LIG3: variants seen among roughly 807,000 people sequenced by gnomAD.
LIG3 encodes the protein DNA ligase 3, also known as ligase II, DNA, ATP-dependent.
In LIG3, 58 loss-of-function variants were observed where a neutral mutation model predicts 110.9. The observed-to-expected ratio is 0.52, with a 90% CI of 0.42 to 0.65. The LOEUF (loss-of-function observed/expected upper bound fraction) is 0.65. LIG3 is among the 30% of genes least tolerant of loss of function. The pLI is 0.00. For synonymous variants in LIG3, 422 were observed against 472.8 expected, an observed-to-expected ratio of 0.89 and a Z score of 1.39; for missense variants, 1,094 against 1,273.8, an observed-to-expected ratio of 0.86 and a Z score of 2.15.
Position 35,005,167 on chromosome 17 carries a change from T to G in LIG3, c.*661T>G. 1 of 369,606 alleles carries G rather than the reference T, an allele frequency of 2.7e-6. No individual in the cohort carries two copies. The highest frequency in any genetic ancestry group is 5.3e-6 in the Non-Finnish European group (1 of 187,792). 22.9% of individuals were successfully genotyped at this position (369,606 alleles called of 1,614,324 possible). A position where few individuals can be genotyped will look rare whatever the true frequency, so the allele number is the denominator to read the frequency against. On this transcript the variant is annotated 3_prime_UTR_variant, in exon 20 of 20. Transcript: ENST00000378526. ...CCTTTATGAAGAAAGGGGAGGTTAT[T>G]TGGGCCACTCCTCTGGAGGGATAGA...
At position 34,998,690 on chromosome 17, in the gene LIG3, G is replaced by C; in HGVS notation, c.2076G>C (p.Leu692=). Reference sequence around the variant, plus strand: ...GGGCCATGGCCGACACAGCTGACCTGGTGGTCCTTGGAGCCTTCTATGGGC... The same window carrying C: ...GGGCCATGGCCGACACAGCTGACCTCGTGGTCCTTGGAGCCTTCTATGGGC... ...NEGAMADTAD[L]VVLGAFYGQG... is the part of the protein sequence containing the mutation. The change falls in exon 14 of 20, where the codon CTG becomes CTC. Residue 692 remains leucine, a synonymous_variant. Transcript: ENST00000378526. 1.2e-6 allele frequency: 2 copies of C among 1,614,152 alleles called. No individual in the cohort carries two copies. Among genetic ancestry groups the C allele is most frequent in the Non-Finnish European group, 1.7e-6 (2 of 1,179,996 alleles).
chr17:34,996,301 C>G (rs2090776985), intron 10 of LIG3, 106 bp downstream of exon 10: 2 of 1,311,848 alleles, frequency 1.5e-6, no homozygotes, highest in Non-Finnish European at 2.1e-6. Flanking sequence ...CTTAGTGTGG[C>G]CCTTATTCTT....
rs1196656274 is a variant in LIG3 at position 35,008,959 on chromosome 17, G to GTCTC, written c.*4454_*4457dup. On this transcript the variant is annotated 3_prime_UTR_variant, in exon 20 of 20. Coordinates refer to ENST00000378526, the MANE Select transcript of LIG3 (RefSeq NM_013975.4). ...GTTTGTTTTTTTAAGTAGAGACAAG[G>GTCTC]TCTCACTACATTGCCCAGGTTGGTC... The GTCTC allele has an allele frequency of 6.6e-6, 1 of 152,202 alleles. No individual in the cohort carries two copies. The highest frequency in any genetic ancestry group is 2.4e-5 in the African/African-American group (1 of 41,416). 9.4% of individuals were successfully genotyped at this position (152,202 alleles called of 1,614,324 possible).
chr17:35,001,406 A>G lies in LIG3; in HGVS notation c.2478+3A>G, dbSNP rs1200903295. The stretch of plus-strand genomic sequence containing the variant: ...CCACTAACCTTCCCCAACTCAAGGT[A>G]GCAGCTCTTAGGCTGTATATGTATT... On this transcript the variant is annotated splice_donor_region_variant and intron_variant, in intron 17 of 19. Transcript: ENST00000378526. 1 of 1,614,010 alleles carries G rather than the reference A, an allele frequency of 6.2e-7. No individual in the cohort carries two copies. Among genetic ancestry groups the G allele is most frequent in the South Asian group, 1.1e-5 (1 of 91,086 alleles).
At chr17:34,992,171 C>A in intron 7 of LIG3, 136 bp downstream of exon 7, 1 of 769,384 alleles carries the variant, frequency 1.3e-6, no homozygotes, top group East Asian at 2.6e-5. Context: ...AGACCCTGAT[C>A]TGTCACTTGA....
chr17:35,003,481 A>G (rs572966422), intron 19 of LIG3: 1 of 178,438 alleles, frequency 5.6e-6, no homozygotes, highest in South Asian at 1.2e-4. Flanking sequence ...TGCCCGGCTA[A>G]TTTTTGTATT....
rs1180475973 is a variant in LIG3 at position 35,002,068 on chromosome 17, G to T, written c.2638G>T (p.Ala880Ser). Residue 880 changes from alanine to serine, a missense_variant, in exon 18 of 20, where the codon GCA becomes TCA. Coordinates refer to ENST00000378526, the MANE Select transcript of LIG3 (RefSeq NM_013975.4). ...CAAGCCCTCAGCCAGTACCAAGAAA[G>T]CAGAAGGGAAGCTGAGTAACTCCAA... is the stretch of plus-strand genomic sequence containing the variant. ...PSKPSASTKK[A>S]EGKLSNSNSK... is the part of the protein sequence containing the mutation. 1.3e-6 allele frequency: 2 copies of T among 1,595,662 alleles called. No homozygotes were observed. The highest frequency in any genetic ancestry group is 2.7e-5 in the African/African-American group (2 of 73,850).
chr17:35,010,330 A>C (rs1390095476), downstream of LIG3: 1 of 152,180 alleles, frequency 6.6e-6, no homozygotes, highest in African/African-American at 2.4e-5. Flanking sequence ...TTTCCTGATC[A>C]TGTGTTTTGT....
At position 34,991,742 on chromosome 17, in the gene LIG3, C is replaced by T. The variant is rs374974063; in HGVS notation, c.1113C>T (p.Leu371=). 1.7e-5 allele frequency: 28 copies of T among 1,614,076 alleles called. No individual in the cohort carries two copies. Among genetic ancestry groups the T allele is most frequent in the Non-Finnish European group, 2.3e-5 (27 of 1,180,024 alleles). ...SKSFPPAAKS[L]LTIQEVDEFL... ...CTTTCCCCCCAGCTGCCAAGAGCCT[C>T]CTTACCATCCAGGAAGTGGATGAGT... Residue 371 remains leucine, a synonymous_variant, in exon 6 of 20, where the codon CTC becomes CTT. Transcript: ENST00000378526.
In LIG3 at chr17:35,005,421, A is replaced by T. The variant is rs1417099542; in HGVS notation, c.*915A>T. On this transcript the variant is annotated 3_prime_UTR_variant, in exon 20 of 20. Coordinates refer to ENST00000378526, the MANE Select transcript of LIG3 (RefSeq NM_013975.4). ...GTGTATGCTCTGGTGGTGGTGTCTT[A>T]CTTCCTCATGACTGGAGGAATAATT... The T allele has an allele frequency of 3.6e-6, 2 of 560,214 alleles. No homozygotes were observed. The highest frequency in any genetic ancestry group is 7.2e-6 in the Non-Finnish European group (2 of 276,410). The allele number at this position is 560,214 out of a possible 1,614,324, so 34.7% of individuals were successfully genotyped here.
intron 15 of LIG3, 114 bp from the exon 16 acceptor site, chr17:34,999,668 A>G: frequency 1.8e-6 from 2 of 1,136,896 alleles, no homozygotes; most frequent in Non-Finnish European, 2.6e-6. Context: ...GGAGGATCAC[A>G]TGGCTCAAAC....
chr17:34,993,208 C>T (rs1047696071), intron 8 of LIG3, among the ~76,000 whole-genome samples: 2 of 152,196 alleles, frequency 1.3e-5, no homozygotes, highest in African/African-American at 4.8e-5. Flanking sequence ...CTGCTCATTT[C>T]GTAAGAAATG....
rs746837854 is a variant in LIG3, at chr17:35,004,305, T to C, written c.2829T>C (p.Leu943=). The change falls in exon 20 of 20, where the codon CTT becomes CTC. Residue 943 remains leucine, a synonymous_variant. Coordinates refer to ENST00000378526, the MANE Select transcript of LIG3 (RefSeq NM_013975.4). ...VLLDIFTGVR[L]YLPPSTPDFS... ...TGGACATCTTCACTGGGGTGCGGCT[T>C]TACTTGCCACCCTCCACACCAGACT... The C allele has an allele frequency of 6.2e-7, 1 of 1,614,140 alleles. No homozygotes were observed. The highest frequency in any genetic ancestry group is 8.5e-7 in the Non-Finnish European group (1 of 1,180,010).
chr17:34,991,862 C>A, intron 6 of LIG3, 25 bp downstream of exon 6: 1 of 1,613,982 alleles, frequency 6.2e-7, no homozygotes, highest in South Asian at 1.1e-5. Flanking sequence ...TCCGTCAAAC[C>A]ATGCCCATAG....
intron 1 of LIG3, 110 bp from the exon 2 acceptor site, chr17:34,982,888 GTGTT>G (rs2090613763): frequency 4.1e-6 from 3 of 736,960 alleles, no homozygotes; most frequent in East Asian, 2.8e-5. Context: ...ACTTTGGAAA[GTGTT>G]TGATTAGTCA....
rs1395870868 is a variant in LIG3 at position 35,005,189 on chromosome 17, T to C, written c.*683T>C. ...TATTTGGGCCACTCCTCTGGAGGGA[T>C]AGAGGGCTCCAGGAAGATCTGCATC... On this transcript the variant is annotated 3_prime_UTR_variant, in exon 20 of 20. Coordinates refer to ENST00000378526, the MANE Select transcript of LIG3 (RefSeq NM_013975.4). 10 of 416,686 alleles carry C rather than the reference T, an allele frequency of 2.4e-5. No individual in the cohort carries two copies. The East Asian group carries it at 5.5e-4, about 23-fold the overall frequency. 25.8% of individuals were successfully genotyped at this position (416,686 alleles called of 1,614,324 possible). A position where few individuals can be genotyped will look rare whatever the true frequency, so the allele number is the denominator to read the frequency against.
chr17:34,981,373 C>T (rs1031328839), intron 1 of LIG3: 9 of 152,240 alleles, frequency 5.9e-5, no homozygotes, highest in African/African-American at 2.2e-4. Context: ...CTCTGTGGTT[C>T]TTAAACTTTG....
chr17:35,002,039 C>G lies in LIG3; in HGVS notation c.2609C>G (p.Pro870Arg). 12 of 1,608,022 alleles carry G rather than the reference C, an allele frequency of 7.5e-6. No homozygotes were observed. Among genetic ancestry groups the G allele is most frequent in the Non-Finnish European group, 1.0e-5 (12 of 1,177,756 alleles). The change falls in exon 18 of 20, where the codon CCC (proline) becomes CGC (arginine). Residue 870 changes from proline to arginine, a missense_variant. Transcript: ENST00000378526. ...PSGSAVSRKA[P>R]SKPSASTKKA... ...GGGTCTGCTGTGTCCCGCAAGGCCC[C>G]CAGCAAGCCCTCAGCCAGTACCAAG...
Position 35,001,542 on chromosome 17 carries a change from G to A in LIG3, c.2478+139G>A. 9 of 884,248 alleles carry A rather than the reference G, an allele frequency of 1.0e-5. No homozygotes were observed. The South Asian group carries it at 1.5e-4, about 15-fold the overall frequency. 54.8% of individuals were successfully genotyped at this position (884,248 alleles called of 1,614,324 possible). The stretch of plus-strand genomic sequence containing the variant: ...AGGCAGAGCAAGGAGGGCAATTAGA[G>A]AGGGAGACAAACTGCTGCTGGGCCA... On this transcript the variant is annotated intron_variant, in intron 17 of 19. Transcript: ENST00000378526.
Sources: allele counts gnomAD v4.1 joint callset (sites outside exome capture counted in the v4.1 genomes callset), GRCh38; gene constraint gnomAD v4.1.1; transcripts MANE v1.5; gene names NCBI Gene and HGNC (gene_info 2026-07-23, HGNC 2026-07-21).